Variants in TTN observed in about 807,000 individuals in gnomAD.
The protein encoded by TTN is titin.
Under a neutral mutation model 3,223.0 loss-of-function variants are expected in TTN, and 1,525 were observed. That is an observed-to-expected ratio of 0.47 (90% CI 0.45 to 0.49). The LOEUF (loss-of-function observed/expected upper bound fraction) is 0.49, where lower values mean the gene tolerates loss of function less well. TTN is among the 20% of genes least tolerant of loss of function. The pLI is 0.00. For synonymous variants in TTN, 14,094 were observed against 15,161.0 expected, an observed-to-expected ratio of 0.93 and a Z score of 5.17; for missense variants, 40,786 against 43,424.0, an observed-to-expected ratio of 0.94 and a Z score of 5.40.
chr2:178,629,757 C>T (rs547937525), intron 239 of TTN, among the ~76,000 whole-genome samples: 21 of 152,224 alleles, frequency 1.4e-4, no homozygotes, highest in African/African-American at 5.0e-4. Flanking sequence ...ATAACTAAGA[C>T]TCTGATTGGG....
In TTN at chr2:178,617,407, C is replaced by G. The variant is rs1224613366; in HGVS notation, c.47678G>C (p.Gly15893Ala). 1 of 1,592,606 alleles carries G rather than the reference C, an allele frequency of 6.3e-7. No homozygotes were observed. The highest frequency in any genetic ancestry group is 2.3e-5 in the East Asian group (1 of 44,276). ...TTCTTCGCATCGCTCAATTATATAGCCTAATATTGGGCTTCCTCCATCTTT... is the reference window on the plus strand; with the variant it reads ...TTCTTCGCATCGCTCAATTATATAGGCTAATATTGGGCTTCCTCCATCTTT... ...PLKDGGSPIL[G>A]YIIERCEEGK... Residue 15893 changes from glycine to alanine, a missense_variant, in exon 254 of 363, where the codon GGC becomes GCC. By Grantham distance (60) the Gly-to-Ala change is moderately conservative (BLOSUM62 0). Coordinates refer to ENST00000589042, the MANE Select transcript of TTN (RefSeq NM_001267550.2).
Position 178,530,969 on chromosome 2 carries a change from G to T in TTN, c.105646C>A (p.Leu35216Met). The change falls in exon 358 of 363, where the codon CTG becomes ATG. Residue 35216 changes from leucine to methionine, a missense_variant. Leu to Met is a conservative substitution (Grantham distance 15). Coordinates refer to ENST00000589042, the MANE Select transcript of TTN (RefSeq NM_001267550.2). The stretch of plus-strand genomic sequence containing the variant: ...GTTACCCTGGCCTTTTGAATAGTCA[G>T]AGTGAACTCTGCTTCTTGTTTCCCT... ...SEGKQEAEFT[L>M]TIQKARVTEK... The T allele has an allele frequency of 6.2e-7, 1 of 1,613,948 alleles. No homozygotes were observed. Among genetic ancestry groups the T allele is most frequent in the Admixed American group, 1.7e-5 (1 of 60,014 alleles).
rs772842438 is a variant in TTN at position 178,570,859 on chromosome 2, A to G, written c.75273T>C (p.Ser25091=). ...VIARNAAGVF[S]EPSESTGAIT... ...TTGCTCCTGTGCTTTCTGAAGGCTC[A>G]CTAAACACTCCTGCGGCATTTCGGG... The change falls in exon 326 of 363, where the codon AGT becomes AGC. Residue 25091 remains serine (S), a synonymous_variant. Transcript: ENST00000589042. 1 of 1,613,562 alleles carries G rather than the reference A, an allele frequency of 6.2e-7. No individual in the cohort carries two copies. The highest frequency in any genetic ancestry group is 2.2e-5 in the East Asian group (1 of 44,802).
rs1355055725 is a variant in TTN, at chr2:178,696,212, G to A, written c.30860C>T (p.Thr10287Ile). 1.9e-6 allele frequency: 3 copies of A among 1,563,284 alleles called. No individual in the cohort carries two copies. Among genetic ancestry groups the A allele is most frequent in the African/African-American group, 2.7e-5 (2 of 73,446 alleles). The change falls in exon 114 of 363, where the codon ACC becomes ATC. Residue 10287 changes from threonine (T) to isoleucine (I), a missense_variant. Thr to Ile is a moderately conservative substitution (Grantham distance 89). Coordinates refer to ENST00000589042, the MANE Select transcript of TTN (RefSeq NM_001267550.2). ...KAEEVKIMTI[T>I]RKKEVQKEKE... ...TTCTTTCTGAACCTCTTTCTTTCTG[G>A]TTATAGTCATTATTTTTACTTCTTC...
At chr2:178,710,485 T>C (rs2076496561) in intron 98 of TTN, 150 bp downstream of exon 98, 1 of 970,770 alleles carries the variant, frequency 1.0e-6, no homozygotes, top group Non-Finnish European at 1.5e-6. Flanking sequence ...AATGACTTCT[T>C]CTCTAGATAA....
intron 310 of TTN, 26 bp downstream of exon 310, chr2:178,584,643 T>A: frequency 6.2e-7 from 1 of 1,610,450 alleles, no homozygotes; most frequent in Non-Finnish European, 8.5e-7. Flanking sequence ...AGAAAACAAC[T>A]TTTTTTCTCC....
Position 178,566,733 on chromosome 2 carries a change from C to A in TTN, c.79399G>T (p.Ala26467Ser), listed in dbSNP as rs773008593. ...GCTGGACTTGGTTCCCCAACTCCAGCAGCATTTTCTGCAGAGACCCTGAAT... is the reference window on the plus strand; with the variant it reads ...GCTGGACTTGGTTCCCCAACTCCAGAAGCATTTTCTGCAGAGACCCTGAAT... ...YEFRVSAENAAGVGEPSPATV... is the reference protein window; with the variant it reads ...YEFRVSAENASGVGEPSPATV... The change falls in exon 326 of 363, where the codon GCT becomes TCT. Residue 26467 changes from alanine to serine, a missense_variant. By Grantham distance (99) the Ala-to-Ser change is moderately conservative. Transcript: ENST00000589042. The A allele has an allele frequency of 8.1e-6, 13 of 1,613,396 alleles. No homozygotes were observed. In the South Asian group the frequency reaches 1.4e-4, roughly 18 times the overall value.
chr2:178,646,943 A>T, intron 215 of TTN, 121 bp downstream of exon 215: 2 of 364,588 alleles, frequency 5.5e-6, no homozygotes, highest in Non-Finnish European at 9.7e-6. Flanking sequence ...AAGCAGTCAA[A>T]CATGCTAGAC....
At position 178,799,829 on chromosome 2, in the gene TTN, T is replaced by A; in HGVS notation, c.665A>T (p.Glu222Val). 1 of 1,614,160 alleles carries A rather than the reference T, an allele frequency of 6.2e-7. No homozygotes were observed. Among genetic ancestry groups the A allele is most frequent in the Non-Finnish European group, 8.5e-7 (1 of 1,180,016 alleles). Residue 222 changes from glutamate (E) to valine (V), a missense_variant, in exon 5 of 363, where the codon GAA becomes GTA. Transcript: ENST00000589042. Reference sequence around the variant, plus strand: ...ACCAACAGTATAGAAAAATACCTTTTCAATTCGGGTTTGTCTTGATTCTGA... The same window carrying A: ...ACCAACAGTATAGAAAAATACCTTTACAATTCGGGTTTGTCTTGATTCTGA... ...QISESRQTRI[E>V]KKIEAHFDAR... is the part of the protein sequence containing the mutation.
Position 178,566,421 on chromosome 2 carries a change from A to T in TTN, c.79711T>A (p.Leu26571Ile). ...IRVCALNKVG[L>I]GEATSVPGTV... ...CCAGGAACTGATGTAGCCTCACCTA[A>T]ACCAACTTTGTTGAGGGCACAGACT... Residue 26571 changes from leucine (L) to isoleucine (I), a missense_variant, in exon 326 of 363, where the codon TTA (leucine) becomes ATA (isoleucine). Transcript: ENST00000589042. The T allele has an allele frequency of 2.5e-6, 4 of 1,613,480 alleles. No individual in the cohort carries two copies. The highest frequency in any genetic ancestry group is 3.4e-6 in the Non-Finnish European group (4 of 1,179,666).
At chr2:178,751,148 C>G in intron 47 of TTN, 1 of 1,612,756 alleles carries the variant, frequency 6.2e-7, no homozygotes, top group East Asian at 2.2e-5. Context: ...AGACATAGAT[C>G]TGATTTTCAT....
In TTN at chr2:178,667,475, T is replaced by C; in HGVS notation, c.35680A>G (p.Ile11894Val). ...VVPEDKIYVT[I>V]PKKRETPATK... ...GCTGGTGTTTCTCTCTTTTTAGGAATAGTCACATATATTTTGTCTTCTGGA... is the reference window on the plus strand; with the variant it reads ...GCTGGTGTTTCTCTCTTTTTAGGAACAGTCACATATATTTTGTCTTCTGGA... Residue 11894 changes from isoleucine (I) to valine (V), a missense_variant, in exon 161 of 363, where the codon ATT becomes GTT. By Grantham distance (29) the Ile-to-Val change is conservative (BLOSUM62 3). Coordinates refer to ENST00000589042, the MANE Select transcript of TTN (RefSeq NM_001267550.2). 2 of 1,600,052 alleles carry C rather than the reference T, an allele frequency of 1.2e-6. No homozygotes were observed. The highest frequency in any genetic ancestry group is 1.7e-4 in the Middle Eastern group (1 of 6,052).
At chr2:178,768,535 G>T in intron 38 of TTN, 138 bp downstream of exon 38, 1 of 1,290,162 alleles carries the variant, frequency 7.8e-7, no homozygotes. Flanking sequence ...ATATCGTAGT[G>T]CTTCCTTTTT....
chr2:178,802,510 C>A (rs1226699570), intron 2 of TTN, among the ~76,000 whole-genome samples, 169 bp from the exon 3 acceptor site: 1 of 152,190 alleles, frequency 6.6e-6, no homozygotes, highest in Non-Finnish European at 1.5e-5. Context: ...TGTAAACCTG[C>A]AGACCATTAG....
Position 178,570,647 on chromosome 2 carries a change from C to T in TTN, c.75485G>A (p.Ser25162Asn). 6.2e-7 allele frequency: 1 copy of T among 1,613,452 alleles called. No homozygotes were observed. Among genetic ancestry groups the T allele is most frequent in the Non-Finnish European group, 8.5e-7 (1 of 1,179,612 alleles). ...ACTGAGACTGGTGGCAAAGTCGGTG[C>T]TCTTTATTTCTAATCGAGCTGTGTT... ...LSNTARLEIK[S>N]TDFATSLSVK... is the part of the protein sequence containing the mutation. Residue 25162 changes from serine (S) to asparagine (N), a missense_variant, in exon 326 of 363, where the codon AGC becomes AAC. Transcript: ENST00000589042.
At chr2:178,645,704 A>G in intron 217 of TTN, 1 of 373,692 alleles carries the variant, frequency 2.7e-6, no homozygotes, top group Non-Finnish European at 4.8e-6. Context: ...TGACGCTATC[A>G]ATGTACTTTC....
At chr2:178,794,661 A>C (rs1164909024) in intron 7 of TTN, 110 bp from the exon 8 acceptor site, 10 of 1,330,584 alleles carry the variant, frequency 7.5e-6, no homozygotes, top group Non-Finnish European at 1.1e-5. Context: ...ACTCATACAT[A>C]AGCATTTATT....
Position 178,532,358 on chromosome 2 carries a change from C to G in TTN, c.104257G>C (p.Ala34753Pro). 1 of 1,614,020 alleles carries G rather than the reference C, an allele frequency of 6.2e-7. No individual in the cohort carries two copies. The highest frequency in any genetic ancestry group is 1.7e-5 in the Admixed American group (1 of 60,020). The change falls in exon 358 of 363, where the codon GCT (alanine) becomes CCT (proline). Residue 34753 changes from alanine (A) to proline (P), a missense_variant. Transcript: ENST00000589042. ...CGTTGCTTTGGCTGTCTGTACGCAG[C>G]CTGGGCATGCCGTTCCCTCAGTTCT... The part of the protein sequence containing the change: ...YAELRERHAQ[A>P]AYRQPKQRQR...
At chr2:178,641,932 A>C (rs1020978415) in intron 219 of TTN, among the ~76,000 whole-genome samples, 5 of 151,870 alleles carry the variant, frequency 3.3e-5, no homozygotes, top group Non-Finnish European at 7.4e-5. Context: ...GTACTTTACT[A>C]CATAATTTGG....
Sources: gnomAD v4.1 joint callset for allele counts (sites outside exome capture counted in the v4.1 genomes callset) on GRCh38, gnomAD v4.1.1 for gene constraint, MANE v1.5 for transcripts, NCBI Gene and HGNC (gene_info 2026-07-23, HGNC 2026-07-21) for gene names.